Variants in CDH9 observed in about 807,000 individuals in gnomAD.
CDH9 encodes the protein cadherin-9.
A neutral mutation model predicts 70.9 loss-of-function variants in CDH9; 28 were observed. The observed-to-expected ratio is 0.40, with a 90% CI of 0.29 to 0.54. CDH9 has a LOEUF of 0.54. Among genes scored for constraint, CDH9 ranks in the 20% least tolerant of loss-of-function variants. The pLI is 0.59. For missense variants in CDH9, 874 were observed against 984.4 expected (o/e 0.89, Z 1.50); for synonymous variants, 409 against 343.1 (o/e 1.19, Z -2.12).
intron 1 of CDH9, among the ~76,000 whole-genome samples, chr5:26,991,230 C>T (rs1270955075): frequency 2.0e-5 from 3 of 152,080 alleles, no homozygotes; most frequent in Admixed American, 6.5e-5. Context: ...CTCAGATTCC[C>T]TTTGATCCTT....
At chr5:26,895,550 T>C (rs1185848963) in intron 7 of CDH9, among the ~76,000 whole-genome samples, 1 of 151,986 alleles carries the variant, frequency 6.6e-6, no homozygotes, top group Non-Finnish European at 1.5e-5. Flanking sequence ...TCATTGAACT[T>C]TAAATACGTT....
chr5:26,952,152 C>T (rs963444673), intron 2 of CDH9, among the ~76,000 whole-genome samples: 3 of 149,824 alleles, frequency 2.0e-5, no homozygotes, highest in African/African-American at 4.9e-5. Flanking sequence ...TTAGTAGAGA[C>T]GGGGTTTCAC....
chr5:26,900,660 T>C (rs1740839566), intron 7 of CDH9, among the ~76,000 whole-genome samples: 1 of 152,128 alleles, frequency 6.6e-6, no homozygotes, highest in South Asian at 2.1e-4. Context: ...ATGATGTCAT[T>C]GTTTACAGTT....
chr5:26,881,971 A>G (rs992924361), intron 11 of CDH9, among the ~76,000 whole-genome samples: 1 of 152,002 alleles, frequency 6.6e-6, no homozygotes, highest in Non-Finnish European at 1.5e-5. Flanking sequence ...CTAAAGCTCT[A>G]CTCATGGTGA....
intron 7 of CDH9, among the ~76,000 whole-genome samples, chr5:26,891,186 T>C (rs2111973984): frequency 6.6e-6 from 1 of 152,338 alleles, no homozygotes; most frequent in South Asian, 2.1e-4. Flanking sequence ...TTGTATCTTA[T>C]TAAAGATAAG....
At position 26,886,184 on chromosome 5, in the gene CDH9, G is replaced by A. The variant is rs967128597; in HGVS notation, c.1513-101C>T. ...TGTATTTGTGCTTTAAATACATCAC[G>A]AAAACAAAGCAAGAAAACAAAATAA... On this transcript the variant is annotated intron_variant, in intron 9 of 11. Coordinates refer to ENST00000231021, the MANE Select transcript of CDH9 (RefSeq NM_016279.4). The A allele has an allele frequency of 1.9e-5, 25 of 1,304,460 alleles. 1 individual carries two copies. In the Admixed American group the frequency reaches 2.0e-4, roughly 10 times the overall value. 80.8% of individuals were successfully genotyped at this position (1,304,460 alleles called of 1,614,324 possible).
intron 2 of CDH9, among the ~76,000 whole-genome samples, chr5:26,986,420 G>A (rs371718086): frequency 6.4e-4 from 97 of 152,120 alleles, no homozygotes; most frequent in Admixed American, 2.0e-3. Context: ...TAATTAAAAA[G>A]GAAGCATGAT....
chr5:26,963,096 GATAA>G (rs1742066209), intron 2 of CDH9, among the ~76,000 whole-genome samples: 1 of 152,080 alleles, frequency 6.6e-6, no homozygotes, highest in Non-Finnish European at 1.5e-5. Flanking sequence ...TTATGATGCA[GATAA>G]ATACTGAGTT....
rs778721268 is a variant in CDH9, at chr5:26,905,942, A to G, written c.811+17T>C. ...TTGAGAAGTTTTTGGACATGAGATCACTGAAACATTTCTTACTCTGGGGAA... is the reference window on the plus strand; with the variant it reads ...TTGAGAAGTTTTTGGACATGAGATCGCTGAAACATTTCTTACTCTGGGGAA... On this transcript the variant is annotated intron_variant, in intron 5 of 11. Transcript: ENST00000231021. The G allele has an allele frequency of 1.2e-6, 2 of 1,604,048 alleles. No homozygotes were observed. The highest frequency in any genetic ancestry group is 1.7e-6 in the Non-Finnish European group (2 of 1,171,446).
intron 2 of CDH9, among the ~76,000 whole-genome samples, chr5:26,952,047 G>T (rs968787627): frequency 7.0e-6 from 1 of 143,856 alleles, no homozygotes; most frequent in African/African-American, 2.9e-5. Context: ...GTGGCGCGAT[G>T]TTGGCTCACT....
intron 2 of CDH9, among the ~76,000 whole-genome samples, chr5:26,924,755 A>C (rs1426572302): frequency 1.3e-5 from 2 of 151,944 alleles, no homozygotes; most frequent in African/African-American, 4.8e-5. Flanking sequence ...CCCTGTGTCC[A>C]AATGTTCTCA....
At chr5:26,997,480 A>C (rs540515566) in intron 1 of CDH9, among the ~76,000 whole-genome samples, 1 of 152,300 alleles carries the variant, frequency 6.6e-6, no homozygotes, top group African/African-American at 2.4e-5. Flanking sequence ...GAATAAAACA[A>C]CACAAAGAAA....
intron 3 of CDH9, among the ~76,000 whole-genome samples, chr5:26,909,442 T>C (rs1002623279): frequency 3.3e-5 from 5 of 151,574 alleles, no homozygotes; most frequent in Admixed American, 1.3e-4. Context: ...AAGATAAAAA[T>C]ATAGTAAGTA....
At chr5:27,007,922 G>A (rs1742894625) in intron 1 of CDH9, among the ~76,000 whole-genome samples, 1 of 151,550 alleles carries the variant, frequency 6.6e-6, no homozygotes, top group South Asian at 2.1e-4. Context: ...TTTTTTTTCA[G>A]GTTAAATTTA....
chr5:26,927,125 A>C (rs1196771754), intron 2 of CDH9, among the ~76,000 whole-genome samples: 1 of 152,012 alleles, frequency 6.6e-6, no homozygotes, highest in African/African-American at 2.4e-5. Flanking sequence ...AATGTGATAT[A>C]GTGTATCAAC....
At chr5:26,917,143 T>G (rs186363776) in intron 2 of CDH9, among the ~76,000 whole-genome samples, 60 of 152,134 alleles carry the variant, frequency 3.9e-4, no homozygotes, top group Admixed American at 3.7e-3. Flanking sequence ...AAAACAGTAA[T>G]TGTTTTATCA....
chr5:26,928,129 A>G (rs1054390542), intron 2 of CDH9, among the ~76,000 whole-genome samples: 2 of 152,142 alleles, frequency 1.3e-5, no homozygotes, highest in African/African-American at 4.8e-5. Flanking sequence ...GTTAGAACTA[A>G]TAAAACCAAT....
intron 2 of CDH9, among the ~76,000 whole-genome samples, chr5:26,987,351 A>T (rs1316911765): frequency 1.3e-5 from 2 of 151,986 alleles, no homozygotes; most frequent in African/African-American, 4.8e-5. Context: ...CTGAGTTTAG[A>T]ATAGTATGAA....
chr5:27,007,731 C>A (rs1473802211), intron 1 of CDH9, among the ~76,000 whole-genome samples: 1 of 151,908 alleles, frequency 6.6e-6, no homozygotes, highest in Non-Finnish European at 1.5e-5. Flanking sequence ...CAAAATCAAG[C>A]AGCAGGTCTA....
Sources: gnomAD v4.1 joint callset for allele counts (sites outside exome capture counted in the v4.1 genomes callset) on GRCh38, gnomAD v4.1.1 for gene constraint, MANE v1.5 for transcripts, NCBI Gene and HGNC (gene_info 2026-07-23, HGNC 2026-07-21) for gene names.